PKHD1: variants seen among roughly 807,000 people sequenced by gnomAD.
PKHD1 encodes the protein PKHD1 ciliary IPT domain containing fibrocystin/polyductin, also known as fibrocystin.
In PKHD1, 291 loss-of-function variants were observed where a neutral mutation model predicts 412.0. The observed-to-expected ratio is 0.71, with a 90% CI of 0.64 to 0.78. The LOEUF (loss-of-function observed/expected upper bound fraction) is 0.78, where lower values mean the gene tolerates loss of function less well. Ranked by LOEUF, PKHD1 falls within the 30% of genes least tolerant of loss-of-function variation. PKHD1 has a pLI of 0.00. For synonymous variants in PKHD1, 1,777 were observed against 1,821.5 expected, an observed-to-expected ratio of 0.98 and a Z score of 0.62; for missense variants, 4,825 against 4,950.7, an observed-to-expected ratio of 0.97 and a Z score of 0.76.
rs181325348 is a variant in PKHD1 at position 51,679,383 on chromosome 6, G to A, written c.10157-19414C>T. On this transcript the variant is annotated intron_variant, in intron 60 of 66. Transcript: ENST00000371117. ...TTGTTACCTAAACAAAAGTAGTTTC[G>A]TTTGACAAGTGGTGAAAGAATTAGT... is the stretch of plus-strand genomic sequence containing the variant. 2.5e-3 allele frequency among the ~76,000 whole-genome samples: 372 copies of A among 151,664 alleles called. 2 individuals carry two copies. Among genetic ancestry groups the A allele is most frequent in the Non-Finnish European group, 3.4e-3 (231 of 67,930 alleles).
chr6:52,059,259 C>CTTTTTTTTTTTTTTTTTTTTTTTT (rs55992586), intron 15 of PKHD1, among the ~76,000 whole-genome samples: 23 of 83,522 alleles, frequency 2.8e-4, no homozygotes, highest in African/African-American at 9.4e-4. Context: ...TTTTCTTTTT[C>CTTTTTTTTTTTTTTTTTTTTTTTT]TTTTTTTTTT....
At chr6:51,787,416 T>A (rs1793063869) in intron 53 of PKHD1, among the ~76,000 whole-genome samples, 1 of 151,284 alleles carries the variant, frequency 6.6e-6, no homozygotes, top group African/African-American at 2.4e-5. Context: ...ATGTTGGGAC[T>A]TGGATCAAAT....
chr6:51,635,876 C>CGGGGGGGGGGTG (rs1581768607), intron 64 of PKHD1, among the ~76,000 whole-genome samples: 1 of 41,506 alleles, frequency 2.4e-5, no homozygotes, highest in African/African-American at 8.5e-5. Flanking sequence ...GGCGGGGGGC[C>CGGGGGGGGGGTG]GGGGGCGGAT....
intron 37 of PKHD1, among the ~76,000 whole-genome samples, chr6:51,916,172 G>A (rs116729051): frequency 0.011 from 1,736 of 152,158 alleles, 20 homozygotes; most frequent in Middle Eastern, 0.041. Context: ...AGCACTGGAC[G>A]CATAATTAAC....
intron 60 of PKHD1, among the ~76,000 whole-genome samples, chr6:51,679,737 A>T (rs1027658352): frequency 6.6e-6 from 1 of 152,008 alleles, no homozygotes; most frequent in Non-Finnish European, 1.5e-5. Flanking sequence ...AGCAAATTGA[A>T]GCTTACAAGT....
rs150920698 is a variant in PKHD1, at chr6:51,679,003, G to T, written c.10157-19034C>A. On this transcript the variant is annotated intron_variant, in intron 60 of 66. Transcript: ENST00000371117. The stretch of plus-strand genomic sequence containing the variant: ...CAGCCCTCAGTTTGAAGCTGCAGCA[G>T]TAATTTCTGCTGGGTGCCAAAACTA... 2.6e-3 allele frequency among the ~76,000 whole-genome samples: 399 copies of T among 152,166 alleles called. 4 individuals carry two copies. Among genetic ancestry groups the T allele is most frequent in the African/African-American group, 9.0e-3 (376 of 41,550 alleles).
At chr6:51,679,723 T>C (rs1776373078) in intron 60 of PKHD1, among the ~76,000 whole-genome samples, 1 of 152,038 alleles carries the variant, frequency 6.6e-6, no homozygotes, top group South Asian at 2.1e-4. Context: ...TGATTCCCAT[T>C]GAAAGCAAAT....
At chr6:52,067,433 C>T (rs138850647) in intron 11 of PKHD1, among the ~76,000 whole-genome samples, 1 of 152,076 alleles carries the variant, frequency 6.6e-6, no homozygotes, top group Non-Finnish European at 1.5e-5. Flanking sequence ...TCACAGAGCA[C>T]CTATTATATG....
intron 5 of PKHD1, among the ~76,000 whole-genome samples, chr6:52,077,398 C>A (rs560971581): frequency 2.0e-5 from 3 of 152,126 alleles, no homozygotes; most frequent in African/African-American, 7.2e-5. Context: ...GACCTAGTCT[C>A]CCCTTCCCTC....
At chr6:51,783,692 TA>T in intron 53 of PKHD1, among the ~76,000 whole-genome samples, 1 of 152,188 alleles carries the variant, frequency 6.6e-6, no homozygotes, top group African/African-American at 2.4e-5. Context: ...TTTATATGTT[TA>T]AAAAAACATT....
chr6:52,083,173 C>T lies in PKHD1; in HGVS notation c.130+5G>A. On this transcript the variant is annotated splice_donor_5th_base_variant and intron_variant, in intron 3 of 66. Coordinates refer to ENST00000371117, the MANE Select transcript of PKHD1 (RefSeq NM_138694.4). ...AAATGTGCACTTGGTAAAACCCCAACCTACCATCAAAAATGACTGTGATCC... is the reference window on the plus strand; with the variant it reads ...AAATGTGCACTTGGTAAAACCCCAATCTACCATCAAAAATGACTGTGATCC... 1 of 1,587,180 alleles carries T rather than the reference C, an allele frequency of 6.3e-7. No homozygotes were observed. The highest frequency in any genetic ancestry group is 8.7e-7 in the Non-Finnish European group (1 of 1,155,512).
intron 43 of PKHD1, among the ~76,000 whole-genome samples, chr6:51,902,103 C>T (rs1781390384): frequency 6.6e-6 from 1 of 152,172 alleles, no homozygotes; most frequent in Non-Finnish European, 1.5e-5. Context: ...CTTCACACAG[C>T]AGGGTGAGCT....
chr6:51,635,855 A>C (rs1174271643), intron 64 of PKHD1, among the ~76,000 whole-genome samples: 1 of 3,442 alleles, frequency 2.9e-4, no homozygotes, highest in East Asian at 8.6e-3. Context: ...TTTGTGGTGA[A>C]GGTGGGGGGG....
chr6:51,933,404 G>C (rs1323298102), intron 37 of PKHD1, among the ~76,000 whole-genome samples: 1 of 152,172 alleles, frequency 6.6e-6, no homozygotes, highest in Non-Finnish European at 1.5e-5. Flanking sequence ...AGAGGGTTTG[G>C]GGAGACAGGA....
At chr6:51,780,010 T>C (rs926925090) in intron 53 of PKHD1, among the ~76,000 whole-genome samples, 1 of 150,206 alleles carries the variant, frequency 6.7e-6, no homozygotes, top group Non-Finnish European at 1.5e-5. Context: ...TATAGTTCCA[T>C]CAAAATTTAC....
intron 52 of PKHD1, among the ~76,000 whole-genome samples, chr6:51,796,839 A>T (rs1430354211): frequency 1.9e-4 from 27 of 141,190 alleles, no homozygotes; most frequent in African/African-American, 7.3e-4. Flanking sequence ...TTTTGGAGAC[A>T]GAGTCTCATC....
At position 52,070,511 on chromosome 6, in the gene PKHD1, T is replaced by TCCCA. The variant is rs1353384611; in HGVS notation, c.668-67_668-66insTGGG. 2.0e-4 allele frequency: 246 copies of TCCCA among 1,218,630 alleles called. 1 individual carries two copies. Among genetic ancestry groups the TCCCA allele is most frequent in the Middle Eastern group, 9.3e-4 (5 of 5,360 alleles). The allele number at this position is 1,218,630 out of a possible 1,614,324, so 75.5% of individuals were successfully genotyped here. On this transcript the variant is annotated intron_variant, in intron 9 of 66. Transcript: ENST00000371117. ...CGAGTCTTCTGGGCCAGGCCATTGC[T>TCCCA]TTCATAAGCCCAAAGACTCCAATAT...
At chr6:51,811,018 C>T (rs1764603999) in intron 52 of PKHD1, among the ~76,000 whole-genome samples, 1 of 152,120 alleles carries the variant, frequency 6.6e-6, no homozygotes, top group Non-Finnish European at 1.5e-5. Context: ...TTTAGTAAGA[C>T]TTCTCCTCAA....
chr6:52,075,771 C>T (rs1321218949), intron 6 of PKHD1, among the ~76,000 whole-genome samples: 2 of 152,166 alleles, frequency 1.3e-5, no homozygotes, highest in African/African-American at 2.4e-5. Context: ...TGGTTCAAAT[C>T]TCAGCTGTGG....
Sources: gnomAD v4.1 joint callset for allele counts (sites outside exome capture counted in the v4.1 genomes callset) on GRCh38, gnomAD v4.1.1 for gene constraint, MANE v1.5 for transcripts, NCBI Gene and HGNC (gene_info 2026-07-23, HGNC 2026-07-21) for gene names.